ABCA1: variants seen among roughly 807,000 people sequenced by gnomAD.
ABCA1 encodes ATP binding cassette subfamily A member 1.
In ABCA1, 133 loss-of-function variants were observed where a neutral mutation model predicts 262.5. The observed-to-expected ratio is 0.51, with a 90% CI of 0.44 to 0.59. The LOEUF (loss-of-function observed/expected upper bound fraction) is 0.59, where lower values mean the gene tolerates loss of function less well. ABCA1 is among the 20% of genes least tolerant of loss of function. The pLI, the probability that ABCA1 is intolerant of heterozygous loss-of-function variation, is 0.00. For missense variants in ABCA1, 2,452 were observed against 2,777.5 expected (o/e 0.88, Z 2.63); for synonymous variants, 1,022 against 1,043.5 (o/e 0.98, Z 0.40).
At chr9:104,853,652 C>A (rs988672393) in intron 7 of ABCA1, among the ~76,000 whole-genome samples, 1 of 152,152 alleles carries the variant, frequency 6.6e-6, no homozygotes, top group Non-Finnish European at 1.5e-5. Flanking sequence ...CGATGAATGT[C>A]TCATACCTAG....
intron 1 of ABCA1, among the ~76,000 whole-genome samples, chr9:104,905,233 G>A (rs1841026076): frequency 6.6e-6 from 1 of 152,194 alleles, no homozygotes; most frequent in African/African-American, 2.4e-5. Context: ...TAAGAATGCA[G>A]TAGCGAGGTA....
intron 43 of ABCA1, among the ~76,000 whole-genome samples, chr9:104,791,710 T>A (rs1378750755): frequency 6.6e-6 from 1 of 152,146 alleles, no homozygotes; most frequent in African/African-American, 2.4e-5. Context: ...CAGGAGTGAA[T>A]CACTGCGCCC....
At position 104,827,101 on chromosome 9, in the gene ABCA1, C is replaced by T. The variant is rs781527102; in HGVS notation, c.2184G>A (p.Val728=). 3.1e-6 allele frequency: 5 copies of T among 1,614,052 alleles called. No individual in the cohort carries two copies. In the East Asian group the frequency reaches 8.9e-5, roughly 29 times the overall value. The change falls in exon 16 of 50, where the codon GTG becomes GTA. Residue 728 remains valine, a synonymous_variant. Coordinates refer to ENST00000374736, the MANE Select transcript of ABCA1 (RefSeq NM_005502.4). ...TAATCAGGAAGCACTGCAGGATTGT[C>T]ACCACAGCAAACACGGACAGGAAGA... ...VFVFLSVFAV[V]TILQCFLIST...
At chr9:104,796,450 G>C (rs1183465211) in intron 37 of ABCA1, 26 bp from the exon 38 acceptor site, 1 of 1,568,264 alleles carries the variant, frequency 6.4e-7, no homozygotes, top group African/African-American at 1.4e-5. Flanking sequence ...AAGACATCCA[G>C]TTCACCCCTA....
intron 2 of ABCA1, among the ~76,000 whole-genome samples, chr9:104,890,958 A>G (rs1221816998): frequency 6.6e-6 from 1 of 152,192 alleles, no homozygotes; most frequent in Non-Finnish European, 1.5e-5. Flanking sequence ...TACATAAATA[A>G]TATTTTTTCT....
At chr9:104,852,666 T>C (rs530710506) in intron 7 of ABCA1, among the ~76,000 whole-genome samples, 2 of 151,896 alleles carry the variant, frequency 1.3e-5, no homozygotes, top group Non-Finnish European at 2.9e-5. Flanking sequence ...GAGGTGAACA[T>C]AGAGTCTGAA....
intron 30 of ABCA1, 38 bp downstream of exon 30, chr9:104,809,428 A>G: frequency 6.3e-7 from 1 of 1,589,064 alleles, no homozygotes; most frequent in Non-Finnish European, 8.6e-7. Context: ...CCAGGCAACA[A>G]GCACAAGAAG....
intron 35 of ABCA1, 72 bp downstream of exon 35, chr9:104,800,438 G>A: frequency 6.8e-7 from 1 of 1,462,538 alleles, no homozygotes; most frequent in Non-Finnish European, 9.6e-7. Context: ...TTTACCATGA[G>A]TTGAAAGTAC....
At chr9:104,793,408 C>T (rs1342611089) in intron 40 of ABCA1, 108 bp from the exon 41 acceptor site, 1 of 1,433,314 alleles carries the variant, frequency 7.0e-7, no homozygotes, top group East Asian at 2.3e-5. Context: ...TTCCAATAAA[C>T]ACAAATGGCT....
At chr9:104,830,606 C>T (rs1174145551) in intron 14 of ABCA1, among the ~76,000 whole-genome samples, 1 of 152,008 alleles carries the variant, frequency 6.6e-6, no homozygotes, top group African/African-American at 2.4e-5. Flanking sequence ...AGGAGAATAG[C>T]TTGAACCCGG....
intron 14 of ABCA1, among the ~76,000 whole-genome samples, chr9:104,830,689 C>CA (rs202097159): frequency 3.1e-4 from 43 of 140,908 alleles, no homozygotes; most frequent in Middle Eastern, 3.6e-3. Flanking sequence ...GACTCCATCT[C>CA]AAAAAAAAAA....
At chr9:104,927,324 A>T (rs1826431006) in intron 1 of ABCA1, among the ~76,000 whole-genome samples, 1 of 152,122 alleles carries the variant, frequency 6.6e-6, no homozygotes, top group Non-Finnish European at 1.5e-5. Flanking sequence ...CCTCAGGTCA[A>T]ACAAAGACCC....
chr9:104,845,712 AC>A (rs1298785200), intron 7 of ABCA1, 143 bp from the exon 8 acceptor site: 1 of 648,474 alleles, frequency 1.5e-6, no homozygotes, highest in African/African-American at 1.8e-5. Flanking sequence ...TAAAGACACT[AC>A]AATTATTTCT....
intron 1 of ABCA1, among the ~76,000 whole-genome samples, chr9:104,919,413 C>T (rs1842015722): frequency 6.6e-6 from 1 of 152,036 alleles, no homozygotes; most frequent in African/African-American, 2.4e-5. Context: ...AGTTAAAGAC[C>T]AGCCTAGCCA....
In ABCA1 at chr9:104,820,036, G is replaced by A; in HGVS notation, c.2994C>T (p.Ala998=). The part of the protein sequence containing the change: ...LTVEEHIWFY[A]RLKGLSEKHV... ...GCTTCTCAGAGAGCCCTTTCAAGCGGGCATAGAACCAGATGTGTTCTTCGA... is the reference window on the plus strand; with the variant it reads ...GCTTCTCAGAGAGCCCTTTCAAGCGAGCATAGAACCAGATGTGTTCTTCGA... The change falls in exon 21 of 50, where the codon GCC becomes GCT. Residue 998 remains alanine (A), a synonymous_variant. Transcript: ENST00000374736. 1 of 1,614,128 alleles carries A rather than the reference G, an allele frequency of 6.2e-7. No homozygotes were observed. The highest frequency in any genetic ancestry group is 8.5e-7 in the Non-Finnish European group (1 of 1,180,034).
At chr9:104,916,245 T>C (rs1052197176) in intron 1 of ABCA1, among the ~76,000 whole-genome samples, 1 of 152,226 alleles carries the variant, frequency 6.6e-6, no homozygotes, top group African/African-American at 2.4e-5. Flanking sequence ...CAGTTAATTT[T>C]AAGCAGCCAA....
intron 7 of ABCA1, chr9:104,855,064 G>A: frequency 1.4e-6 from 1 of 740,212 alleles, no homozygotes; most frequent in Non-Finnish European, 1.6e-6. Context: ...TACGGACTGA[G>A]ACATAAATAA....
At chr9:104,884,716 C>T in intron 3 of ABCA1, 148 bp from the exon 4 acceptor site, 1 of 966,686 alleles carries the variant, frequency 1.0e-6, no homozygotes, top group Non-Finnish European at 1.6e-6. Context: ...ATAAAACTGA[C>T]TCTCAGGTGG....
intron 5 of ABCA1, among the ~76,000 whole-genome samples, chr9:104,868,343 ACT>A (rs200290236): frequency 0.01 from 1,575 of 152,248 alleles, 31 homozygotes; most frequent in African/African-American, 0.035. Context: ...CAAGAGCGAC[ACT>A]CTGTCTCAAA....
Sources: gnomAD v4.1 joint callset for allele counts (sites outside exome capture counted in the v4.1 genomes callset) on GRCh38, gnomAD v4.1.1 for gene constraint, MANE v1.5 for transcripts, NCBI Gene and HGNC (gene_info 2026-07-23, HGNC 2026-07-21) for gene names.